Variants in EXOC4 observed in about 807,000 individuals in gnomAD.
The protein encoded by EXOC4 is SEC8-like 1.
A neutral mutation model predicts 107.2 loss-of-function variants in EXOC4; 71 were observed. The ratio of observed to expected loss-of-function variants is 0.66; its 90% CI spans 0.55 to 0.81. The LOEUF is 0.81. EXOC4 is among the 30% of genes least tolerant of loss of function. EXOC4 has a pLI of 0.00. For synonymous variants in EXOC4, 456 were observed against 441.2 expected, an observed-to-expected ratio of 1.03 and a Z score of -0.42; for missense variants, 1,108 against 1,189.6, an observed-to-expected ratio of 0.93 and a Z score of 1.01.
chr7:133,967,926 G>A (rs555208358), intron 14 of EXOC4, among the ~76,000 whole-genome samples: 2 of 152,184 alleles, frequency 1.3e-5, no homozygotes, highest in Admixed American at 6.5e-5. Context: ...ACTGATAGTG[G>A]GGTGTTAAAG....
chr7:133,823,255 C>A (rs952375918), intron 11 of EXOC4, among the ~76,000 whole-genome samples: 1 of 152,182 alleles, frequency 6.6e-6, no homozygotes, highest in East Asian at 1.9e-4. Context: ...ACTGTCATCT[C>A]TTCCTCTGCC....
At chr7:133,688,599 A>C (rs1483752092) in intron 10 of EXOC4, among the ~76,000 whole-genome samples, 1 of 152,162 alleles carries the variant, frequency 6.6e-6, no homozygotes, top group Non-Finnish European at 1.5e-5. Flanking sequence ...TATATTTTTA[A>C]ACAAGTAAAT....
chr7:133,402,615 T>C (rs1163388809), intron 7 of EXOC4, among the ~76,000 whole-genome samples: 2 of 151,714 alleles, frequency 1.3e-5, no homozygotes, highest in East Asian at 2.0e-4. Flanking sequence ...TCTCCTGCCT[T>C]AGCCTCCCAA....
intron 9 of EXOC4, among the ~76,000 whole-genome samples, chr7:133,623,452 CT>C (rs751731530): frequency 5.9e-5 from 9 of 152,156 alleles, no homozygotes; most frequent in Non-Finnish European, 1.3e-4. Context: ...GACATTCTTT[CT>C]CGTTTTTTGT....
chr7:133,728,784 C>T (rs1456585178), intron 10 of EXOC4, among the ~76,000 whole-genome samples: 2 of 152,132 alleles, frequency 1.3e-5, no homozygotes, highest in Admixed American at 6.5e-5. Flanking sequence ...CCAGACACTC[C>T]AACACATGAT....
chr7:133,917,051 A>G (rs762672860), intron 12 of EXOC4, among the ~76,000 whole-genome samples: 16 of 152,088 alleles, frequency 1.1e-4, no homozygotes, highest in Admixed American at 4.6e-4. Flanking sequence ...CTGCCTGACA[A>G]CTGGGGCTGA....
At chr7:133,782,168 A>C (rs1796481779) in intron 10 of EXOC4, among the ~76,000 whole-genome samples, 1 of 152,154 alleles carries the variant, frequency 6.6e-6, no homozygotes, top group Admixed American at 6.5e-5. Flanking sequence ...AGGAAGTAAA[A>C]AATCCAGACA....
the EXOC4 span, among the ~76,000 whole-genome samples, chr7:134,091,288 C>T: frequency 2.0e-5 from 3 of 152,174 alleles, no homozygotes; most frequent in Admixed American, 2.0e-4. Context: ...ATATGCTAAA[C>T]AAGGAGTGGA....
chr7:133,686,038 G>A (rs1264581902), intron 10 of EXOC4, among the ~76,000 whole-genome samples: 1 of 152,088 alleles, frequency 6.6e-6, no homozygotes, highest in East Asian at 1.9e-4. Flanking sequence ...CAATAGACAT[G>A]ATTTTATTCT....
chr7:133,428,452 A>G (rs1247829763), intron 7 of EXOC4, among the ~76,000 whole-genome samples: 2 of 152,218 alleles, frequency 1.3e-5, no homozygotes, highest in African/African-American at 4.8e-5. Flanking sequence ...CATGCCTTAG[A>G]GTGATCAGGA....
At chr7:133,802,071 A>G (rs1185691138) in intron 10 of EXOC4, among the ~76,000 whole-genome samples, 1 of 152,170 alleles carries the variant, frequency 6.6e-6, no homozygotes, top group Admixed American at 6.5e-5. Flanking sequence ...TGGACCATGT[A>G]TTTTACATTC....
chr7:133,831,370 A>G (rs1041853282), intron 11 of EXOC4, among the ~76,000 whole-genome samples: 2 of 152,196 alleles, frequency 1.3e-5, no homozygotes, highest in Non-Finnish European at 2.9e-5. Flanking sequence ...ATGCTTCTAC[A>G]TGAGAGAGCT....
intron 14 of EXOC4, among the ~76,000 whole-genome samples, chr7:133,982,501 G>A (rs989816715): frequency 6.6e-6 from 1 of 152,110 alleles, no homozygotes; most frequent in East Asian, 1.9e-4. Context: ...GCAGTGAGCC[G>A]AGATCATGCC....
intron 3 of EXOC4, 68 bp from the exon 4 acceptor site, chr7:133,305,805 GTCTT>G (rs1293705467): frequency 7.6e-7 from 1 of 1,308,734 alleles, no homozygotes; most frequent in East Asian, 2.4e-5. Context: ...TTTTTAAGAC[GTCTT>G]TCTTATTTAT....
chr7:133,845,715 T>C (rs1798113645), intron 11 of EXOC4, among the ~76,000 whole-genome samples: 1 of 152,132 alleles, frequency 6.6e-6, no homozygotes, highest in Admixed American at 6.5e-5. Flanking sequence ...AACAAAACTC[T>C]ATATACTTCA....
At chr7:134,099,728 C>T in the EXOC4 span, among the ~76,000 whole-genome samples, 1 of 151,484 alleles carries the variant, frequency 6.6e-6, no homozygotes, top group Non-Finnish European at 1.5e-5. Flanking sequence ...GACGGGGTTT[C>T]ACCGTTTTGC....
chr7:133,508,723 A>G (rs1048699934), intron 9 of EXOC4, among the ~76,000 whole-genome samples: 5 of 152,198 alleles, frequency 3.3e-5, no homozygotes, highest in African/African-American at 1.2e-4. Context: ...GGTTTTATGC[A>G]TGAATTATAA....
At chr7:133,677,708 A>G (rs1421269928) in intron 10 of EXOC4, among the ~76,000 whole-genome samples, 1 of 152,204 alleles carries the variant, frequency 6.6e-6, no homozygotes, top group African/African-American at 2.4e-5. Flanking sequence ...GCTTATCTCT[A>G]CTTTCTCCTA....
At chr7:133,344,338 G>T (rs2150632159) in intron 5 of EXOC4, among the ~76,000 whole-genome samples, 1 of 152,218 alleles carries the variant, frequency 6.6e-6, no homozygotes, top group South Asian at 2.1e-4. Context: ...TACCTCTGTT[G>T]CTGTGTGTTG....
Sources: allele counts gnomAD v4.1 joint callset (sites outside exome capture counted in the v4.1 genomes callset), GRCh38; gene constraint gnomAD v4.1.1; transcripts MANE v1.5; gene names NCBI Gene and HGNC (gene_info 2026-07-23, HGNC 2026-07-21).